Variants in ATRNL1 observed in about 807,000 individuals in gnomAD.
ATRNL1 encodes attractin like 1, also known as attractin-like protein 1.
ATRNL1 carries 95 observed loss-of-function variants against 182.7 expected under a neutral mutation model. The ratio of observed to expected loss-of-function variants is 0.52; its 90% confidence interval spans 0.44 to 0.62. The LOEUF is 0.62. Among genes scored for constraint, ATRNL1 ranks in the 20% least tolerant of loss-of-function variants. The pLI is 0.00. For missense variants in ATRNL1, 1,471 were observed against 1,679.5 expected, an observed-to-expected ratio of 0.88 and a Z score of 2.17; for synonymous variants, 576 against 568.3, an observed-to-expected ratio of 1.01 and a Z score of -0.19.
At chr10:115,847,225 A>G (rs79392715) in intron 27 of ATRNL1, among the ~76,000 whole-genome samples, 3 of 152,052 alleles carry the variant, frequency 2.0e-5, no homozygotes, top group Admixed American at 6.6e-5. Flanking sequence ...GGGGGAGGAT[A>G]TGAGGAGATG....
intron 24 of ATRNL1, 102 bp from the exon 25 acceptor site, chr10:115,519,161 G>A (rs1850788249): frequency 6.3e-6 from 6 of 954,264 alleles, no homozygotes; most frequent in Non-Finnish European, 9.6e-6. Context: ...TGATCCAAAT[G>A]TCTTGGTGAT....
intron 28 of ATRNL1, among the ~76,000 whole-genome samples, chr10:115,920,603 A>C (rs140273848): frequency 2.6e-5 from 4 of 152,298 alleles, no homozygotes; most frequent in Admixed American, 2.0e-4. Context: ...CCCCAGGGGG[A>C]ATTTGTATAA....
intron 4 of ATRNL1, 63 bp from the exon 5 acceptor site, chr10:115,129,264 G>A (rs1845117278): frequency 7.8e-7 from 1 of 1,280,764 alleles, no homozygotes; most frequent in Non-Finnish European, 1.1e-6. Flanking sequence ...AGTTTATGAT[G>A]TATCAACCAA....
chr10:115,227,143 A>C (rs1471625527), intron 9 of ATRNL1, among the ~76,000 whole-genome samples: 1 of 152,152 alleles, frequency 6.6e-6, no homozygotes, highest in Non-Finnish European at 1.5e-5. Context: ...GACAGCCTAC[A>C]AAATGGGAGA....
At chr10:115,810,191 AT>A (rs1309917594) in intron 27 of ATRNL1, among the ~76,000 whole-genome samples, 1 of 151,930 alleles carries the variant, frequency 6.6e-6, no homozygotes, top group Non-Finnish European at 1.5e-5. Context: ...CAATTTGCCA[AT>A]TTGTAAAAGG....
intron 14 of ATRNL1, among the ~76,000 whole-genome samples, chr10:115,281,941 C>T (rs1554916988): frequency 1.4e-5 from 2 of 146,852 alleles, no homozygotes; most frequent in African/African-American, 4.9e-5. Flanking sequence ...TATATTTTGC[C>T]TCTCTGTATC....
intron 24 of ATRNL1, among the ~76,000 whole-genome samples, chr10:115,471,931 A>G (rs1262004418): frequency 6.6e-6 from 1 of 150,870 alleles, no homozygotes; most frequent in Non-Finnish European, 1.5e-5. Flanking sequence ...GATAAAGCCA[A>G]TGTCAAGGAG....
chr10:115,649,081 G>A (rs1365887523), intron 26 of ATRNL1, among the ~76,000 whole-genome samples: 1 of 152,112 alleles, frequency 6.6e-6, no homozygotes, highest in African/African-American at 2.4e-5. Flanking sequence ...TCCTTACAAT[G>A]TTAAAATTAT....
In ATRNL1 at chr10:115,191,424, A is replaced by G. The variant is rs146816547; in HGVS notation, c.1348+20132A>G. On this transcript the variant is annotated intron_variant, in intron 8 of 28. Coordinates refer to ENST00000355044, the MANE Select transcript of ATRNL1 (RefSeq NM_207303.4). ...GCCATTTTAACTGGAGTGAGATTGTATCTCATTATAATTTTGATTGTATTT... is the reference window on the plus strand; with the variant it reads ...GCCATTTTAACTGGAGTGAGATTGTGTCTCATTATAATTTTGATTGTATTT... Among the ~76,000 whole-genome samples the G allele has an allele frequency of 1.4e-3, 214 of 152,146 alleles. 2 individuals are homozygous for G. The South Asian group carries it at 0.024, about 17-fold the overall frequency.
intron 25 of ATRNL1, among the ~76,000 whole-genome samples, chr10:115,537,154 A>G (rs1162338811): frequency 6.6e-6 from 1 of 152,186 alleles, no homozygotes; most frequent in Non-Finnish European, 1.5e-5. Context: ...TGTAAACCAA[A>G]ATATTTAATG....
Position 115,135,982 on chromosome 10 carries a change from C to T in ATRNL1, c.829+6447C>T, listed in dbSNP as rs544285718. 3.2e-4 allele frequency among the ~76,000 whole-genome samples: 48 copies of T among 151,918 alleles called. 1 individual carries two copies. The highest frequency in any genetic ancestry group is 8.9e-4 in the African/African-American group (37 of 41,446). On this transcript the variant is annotated intron_variant, in intron 5 of 28. Coordinates refer to ENST00000355044, the MANE Select transcript of ATRNL1 (RefSeq NM_207303.4). ...GAAATGATCCTCCCAACTCAGCCTC[C>T]GGAGTAGCTGGCACCACAGGTTGCA...
chr10:115,191,646 G>C lies in ATRNL1; in HGVS notation c.1348+20354G>C, dbSNP rs536054964. On this transcript the variant is annotated intron_variant, in intron 8 of 28. Transcript: ENST00000355044. ...CTTCCCCCATGCTGTTCTCATTATAGTGAGTGAGTTCTCATGAGATCTGAT... is the reference window on the plus strand; with the variant it reads ...CTTCCCCCATGCTGTTCTCATTATACTGAGTGAGTTCTCATGAGATCTGAT... Among the ~76,000 whole-genome samples the C allele has an allele frequency of 2.5e-4, 38 of 152,084 alleles. No homozygotes were observed. The South Asian group carries it at 4.1e-3, about 17-fold the overall frequency.
At chr10:115,363,584 G>A (rs1170898594) in intron 19 of ATRNL1, among the ~76,000 whole-genome samples, 2 of 149,114 alleles carry the variant, frequency 1.3e-5, no homozygotes, top group Admixed American at 1.3e-4. Flanking sequence ...TGGACATGAA[G>A]TCCTTGCCCA....
At chr10:115,838,912 A>G (rs989930697) in intron 27 of ATRNL1, among the ~76,000 whole-genome samples, 12 of 152,152 alleles carry the variant, frequency 7.9e-5, no homozygotes, top group African/African-American at 2.7e-4. Flanking sequence ...GTAGTTTCAT[A>G]CATGCTTTTG....
At chr10:115,852,339 A>G (rs1345239632) in intron 28 of ATRNL1, among the ~76,000 whole-genome samples, 1 of 152,232 alleles carries the variant, frequency 6.6e-6, no homozygotes, top group Non-Finnish European at 1.5e-5. Flanking sequence ...TGAATAATCT[A>G]GAAATATTAC....
intron 27 of ATRNL1, among the ~76,000 whole-genome samples, chr10:115,741,218 G>C (rs1438604137): frequency 6.6e-6 from 1 of 152,098 alleles, no homozygotes; most frequent in African/African-American, 2.4e-5. Context: ...AGGACAATAA[G>C]CATGAAGAAG....
intron 25 of ATRNL1, among the ~76,000 whole-genome samples, chr10:115,549,063 A>C (rs2769382): frequency 0.028 from 4,202 of 152,204 alleles, 226 homozygotes; most frequent in African/African-American, 0.097. Context: ...TCATATATAA[A>C]ATAGTGATAA....
intron 19 of ATRNL1, among the ~76,000 whole-genome samples, chr10:115,343,453 A>G (rs1016702134): frequency 4.8e-4 from 73 of 152,082 alleles, no homozygotes; most frequent in Admixed American, 4.6e-3. Context: ...TCTTTCATCT[A>G]CAGAATTTCT....
At chr10:115,407,588 A>T (rs2134324810) in intron 20 of ATRNL1, among the ~76,000 whole-genome samples, 1 of 152,256 alleles carries the variant, frequency 6.6e-6, no homozygotes, top group Non-Finnish European at 1.5e-5. Context: ...GCTGAATAAT[A>T]TTCCATTGTG....
Sources: allele counts gnomAD v4.1 joint callset (sites outside exome capture counted in the v4.1 genomes callset), GRCh38; gene constraint gnomAD v4.1.1; transcripts MANE v1.5; gene names NCBI Gene and HGNC (gene_info 2026-07-23, HGNC 2026-07-21).